INPP4B: variants seen among roughly 807,000 people sequenced by gnomAD.
INPP4B encodes inositol polyphosphate 4-phosphatase type II.
In INPP4B, 55 loss-of-function variants were observed where a neutral mutation model predicts 122.5. That is an observed-to-expected ratio of 0.45 (90% CI 0.36 to 0.56). The LOEUF is 0.56. Ranked by LOEUF, INPP4B falls within the 20% of genes least tolerant of loss-of-function variation. The pLI, the probability that INPP4B is intolerant of heterozygous loss-of-function variation, is 0.00. For synonymous variants in INPP4B, 403 were observed against 388.7 expected, an observed-to-expected ratio of 1.04 and a Z score of -0.43; for missense variants, 1,000 against 1,097.7, an observed-to-expected ratio of 0.91 and a Z score of 1.26.
chr4:142,337,295 G>T (rs1321842411), intron 7 of INPP4B, among the ~76,000 whole-genome samples: 1 of 151,956 alleles, frequency 6.6e-6, no homozygotes, highest in Admixed American at 6.5e-5. Context: ...TGTATCTGGA[G>T]ACCATGTGTA....
chr4:142,657,019 A>G, intron 2 of INPP4B, among the ~76,000 whole-genome samples: 1 of 152,114 alleles, frequency 6.6e-6, no homozygotes, highest in East Asian at 1.9e-4. Flanking sequence ...GCTTTGTTTC[A>G]CAATCCTGTC....
rs34561493 is a variant in INPP4B, at chr4:142,122,244, G to C, written c.2019C>G (p.Ser673Arg). The change falls in exon 21 of 26, where the codon AGC becomes AGG. Residue 673 changes from serine to arginine, a missense_variant and splice_region_variant. Ser to Arg is a moderately radical substitution (Grantham distance 110, BLOSUM62 -1). Transcript: ENST00000262992. ...VQYEGLLSTY[S>R]DEIGMLEDMA... ...TGTCCTCTAGCATTCCAATTTCATCGCCTAAACAATAGAAAAGGCACTTAG... is the reference window on the plus strand; with the variant it reads ...TGTCCTCTAGCATTCCAATTTCATCCCCTAAACAATAGAAAAGGCACTTAG... 167 of 1,604,382 alleles carry C rather than the reference G, an allele frequency of 1.0e-4. 2 individuals carry two copies. In the Admixed American group the frequency reaches 2.7e-3, roughly 26 times the overall value.
At chr4:142,035,363 A>G (rs1169402410) in intron 25 of INPP4B, among the ~76,000 whole-genome samples, 1 of 152,154 alleles carries the variant, frequency 6.6e-6, no homozygotes, top group African/African-American at 2.4e-5. Flanking sequence ...GGTGGGTTGG[A>G]TAGGACAGAT....
intron 2 of INPP4B, among the ~76,000 whole-genome samples, chr4:142,568,285 T>TA (rs2150149412): frequency 6.6e-6 from 1 of 152,262 alleles, no homozygotes; most frequent in Non-Finnish European, 1.5e-5. Flanking sequence ...ACTCTGGCCT[T>TA]ACTTTGTAAG....
At chr4:142,654,548 T>C (rs1753771290) in intron 2 of INPP4B, 1 of 152,144 alleles carries the variant, frequency 6.6e-6, no homozygotes, top group South Asian at 2.1e-4. Flanking sequence ...AATTCTGCTA[T>C]TATATTATTG....
rs1296894374 is a variant in INPP4B, at chr4:142,169,705, A to T, written c.1359+3927T>A. On this transcript the variant is annotated intron_variant, in intron 16 of 25. Coordinates refer to ENST00000262992, the MANE Select transcript of INPP4B (RefSeq NM_001101669.3). ...TGTGAGTATAGCCTCTAACATTTAC[A>T]ATAAAAGCCATTATTTAACTATTTA... 2.6e-5 allele frequency among the ~76,000 whole-genome samples: 4 copies of T among 151,778 alleles called. No individual in the cohort carries two copies. In the East Asian group the frequency reaches 7.7e-4, roughly 29 times the overall value.
chr4:142,415,604 A>C (rs1805548868), intron 5 of INPP4B, among the ~76,000 whole-genome samples: 2 of 152,092 alleles, frequency 1.3e-5, no homozygotes, highest in Non-Finnish European at 2.9e-5. Flanking sequence ...GCGATTCCTC[A>C]GGGATCTAGA....
intron 1 of INPP4B, among the ~76,000 whole-genome samples, chr4:142,803,186 AGAAAG>A (rs372273964): frequency 1.4e-5 from 2 of 139,560 alleles, no homozygotes; most frequent in Non-Finnish European, 1.5e-5. Flanking sequence ...AAAAAAAAAA[AGAAAG>A]AAAGAAAGAA....
At chr4:142,539,082 TTA>T (rs58073799) in intron 2 of INPP4B, among the ~76,000 whole-genome samples, 115 of 148,730 alleles carry the variant, frequency 7.7e-4, no homozygotes, top group Non-Finnish European at 1.8e-4. Flanking sequence ...AATTGTTATT[TTA>T]TATATATATA....
At chr4:142,621,396 A>C (rs116036199) in intron 2 of INPP4B, among the ~76,000 whole-genome samples, 2,055 of 152,086 alleles carry the variant, frequency 0.014, 36 homozygotes, top group African/African-American at 0.039. Flanking sequence ...TTACAACCAC[A>C]CACCACTTAT....
intron 7 of INPP4B, among the ~76,000 whole-genome samples, 190 bp from the exon 8 acceptor site, chr4:142,314,952 C>G (rs988915775): frequency 3.9e-5 from 6 of 152,164 alleles, no homozygotes; most frequent in African/African-American, 1.2e-4. Context: ...CCTGAACTTC[C>G]TGGACAGAGC....
intron 2 of INPP4B, among the ~76,000 whole-genome samples, chr4:142,563,247 C>CTGT (rs1291122827): frequency 6.6e-6 from 1 of 152,220 alleles, no homozygotes; most frequent in Non-Finnish European, 1.5e-5. Flanking sequence ...AACATGTCCA[C>CTGT]TGTCGTACTT....
chr4:142,530,883 A>G (rs1254550900), intron 2 of INPP4B, among the ~76,000 whole-genome samples: 1 of 151,962 alleles, frequency 6.6e-6, no homozygotes, highest in African/African-American at 2.4e-5. Context: ...GAGGAGGAGA[A>G]CAGGTCAGAG....
At chr4:142,098,161 C>A (rs1782810755) in intron 23 of INPP4B, among the ~76,000 whole-genome samples, 1 of 151,940 alleles carries the variant, frequency 6.6e-6, no homozygotes, top group Non-Finnish European at 1.5e-5. Context: ...TAAGATAGGG[C>A]ATAGAGCCAC....
chr4:142,225,885 T>A (rs996364753), intron 12 of INPP4B, among the ~76,000 whole-genome samples: 4 of 152,180 alleles, frequency 2.6e-5, no homozygotes, highest in African/African-American at 4.8e-5. Flanking sequence ...ATTTATAATT[T>A]TTTGATAAAG....
rs554144600 is a variant in INPP4B, at chr4:142,306,597, A to T, written c.424-1060T>A. Among the ~76,000 whole-genome samples, 309 of 152,336 alleles carry T rather than the reference A, an allele frequency of 2.0e-3. 1 individual carries two copies. Among genetic ancestry groups the T allele is most frequent in the Admixed American group, 3.3e-3 (51 of 15,300 alleles). On this transcript the variant is annotated intron_variant, in intron 8 of 25. Transcript: ENST00000262992. ...TTCACACATGAAAGGCTGCATCCAC[A>T]CTCAGAGACTGCTAGGCAGAGGAAA...
intron 18 of INPP4B, among the ~76,000 whole-genome samples, chr4:142,132,278 T>C (rs1689309813): frequency 6.6e-6 from 1 of 152,030 alleles, no homozygotes; most frequent in South Asian, 2.1e-4. Context: ...GTTTTTTTTT[T>C]TCTTGGAGAG....
At position 142,221,320 on chromosome 4, in the gene INPP4B, A is replaced by G. The variant is rs1240349030; in HGVS notation, c.837-12294T>C. On this transcript the variant is annotated intron_variant, in intron 12 of 25. Transcript: ENST00000262992. Reference sequence around the variant, plus strand: ...GAGACTGAGGCAGGAGAATGGTGTGAACCCGGGAGTAGTGAGCCAAGACTG... The same window carrying G: ...GAGACTGAGGCAGGAGAATGGTGTGGACCCGGGAGTAGTGAGCCAAGACTG... 2.0e-5 allele frequency among the ~76,000 whole-genome samples: 3 copies of G among 148,516 alleles called. No individual in the cohort carries two copies. The Admixed American group carries it at 2.0e-4, about 10-fold the overall frequency.
intron 15 of INPP4B, among the ~76,000 whole-genome samples, chr4:142,179,680 T>TTAG (rs1829966909): frequency 1.3e-5 from 2 of 152,178 alleles, no homozygotes; most frequent in Admixed American, 1.3e-4. Flanking sequence ...TACTTGTACT[T>TTAG]TCTAAACCAA....
Sources: allele counts gnomAD v4.1 joint callset (sites outside exome capture counted in the v4.1 genomes callset), GRCh38; gene constraint gnomAD v4.1.1; transcripts MANE v1.5; gene names NCBI Gene and HGNC (gene_info 2026-07-23, HGNC 2026-07-21).